The following CDH22 variants were observed in gnomAD, a reference collection of about 807,000 sequenced individuals.
The protein encoded by CDH22 is cadherin-22.
In CDH22, 30 loss-of-function variants were observed where a neutral mutation model predicts 58.4. The observed-to-expected ratio is 0.51, with a 90% CI of 0.38 to 0.70. The LOEUF (loss-of-function observed/expected upper bound fraction) is 0.70, where lower values mean the gene tolerates loss of function less well. Ranked by LOEUF, CDH22 falls within the 30% of genes least tolerant of loss-of-function variation. The pLI is 0.00. For synonymous variants in CDH22, 513 were observed against 558.2 expected, an observed-to-expected ratio of 0.92 and a Z score of 1.14; for missense variants, 1,014 against 1,233.9, an observed-to-expected ratio of 0.82 and a Z score of 2.67.
chr20:46,242,125 G>T lies in CDH22; in HGVS notation c.256-868C>A, dbSNP rs534843081. On this transcript the variant is annotated intron_variant, in intron 2 of 11. Transcript: ENST00000537909. Reference sequence around the variant, plus strand: ...GAGCACCTTCCATGTGCCAGGCACTGGCTAAGCAATTTATGTACTTTTCTA... The same window carrying T: ...GAGCACCTTCCATGTGCCAGGCACTTGCTAAGCAATTTATGTACTTTTCTA... 3.3e-5 allele frequency among the ~76,000 whole-genome samples: 5 copies of T among 152,320 alleles called. No individual in the cohort carries two copies. The South Asian group carries it at 1.0e-3, about 32-fold the overall frequency.
intron 8 of CDH22, among the ~76,000 whole-genome samples, chr20:46,191,697 C>T (rs147296227): frequency 0.012 from 1,810 of 152,292 alleles, 22 homozygotes; most frequent in Non-Finnish European, 0.015. Context: ...GGACTCGAAC[C>T]TGGGTCTGGT....
intron 3 of CDH22, among the ~76,000 whole-genome samples, chr20:46,232,951 G>A (rs2086229701): frequency 6.6e-6 from 1 of 152,244 alleles, no homozygotes; most frequent in Admixed American, 6.5e-5. Flanking sequence ...AGCACAGAGA[G>A]AGGGGTCAAG....
rs1294808838 is a variant in CDH22 at position 46,181,617 on chromosome 20, C to T, written c.1664-3420G>A. Among the ~76,000 whole-genome samples, 5 of 144,408 alleles carry T rather than the reference C, an allele frequency of 3.5e-5. No individual in the cohort carries two copies. The South Asian group carries it at 1.2e-3, about 34-fold the overall frequency. The allele number at this position is 144,408 out of a possible 152,430, so 94.7% of individuals were successfully genotyped here. ...TTCCTTCCCTTCCTTCCTTCCCTCC[C>T]TCCCTCCCTCCCTTCCTTCCTTCTT... On this transcript the variant is annotated intron_variant, in intron 10 of 11. Transcript: ENST00000537909.
intron 7 of CDH22, among the ~76,000 whole-genome samples, chr20:46,206,204 A>C (rs2086001038): frequency 6.6e-6 from 1 of 152,204 alleles, no homozygotes; most frequent in Non-Finnish European, 1.5e-5. Flanking sequence ...AGTAAGAAGC[A>C]GGAGTGAAAT....
intron 2 of CDH22, among the ~76,000 whole-genome samples, chr20:46,249,455 C>T (rs778383374): frequency 2.6e-5 from 4 of 152,320 alleles, no homozygotes; most frequent in South Asian, 2.1e-4. Context: ...ATCATTCATT[C>T]ATTCATTCAT....
intron 1 of CDH22, among the ~76,000 whole-genome samples, chr20:46,278,383 G>T (rs939363596): frequency 1.3e-5 from 2 of 152,252 alleles, no homozygotes; most frequent in Middle Eastern, 6.8e-3. Context: ...TCTCCTTAAA[G>T]GTTGTTTCAG....
intron 1 of CDH22, among the ~76,000 whole-genome samples, chr20:46,298,055 A>C (rs1169801599): frequency 6.6e-6 from 1 of 152,132 alleles, no homozygotes; most frequent in African/African-American, 2.4e-5. Flanking sequence ...ACCTCTATAG[A>C]TGATATCCCC....
chr20:46,197,295 GATATAT>G (rs34730995), intron 8 of CDH22, among the ~76,000 whole-genome samples: 11 of 142,012 alleles, frequency 7.7e-5, no homozygotes, highest in Middle Eastern at 3.9e-3. Context: ...TCTAGGCCAG[GATATAT>G]ATATATATAT....
In CDH22 at chr20:46,235,889, G is replaced by C. The variant is rs137874607; in HGVS notation, c.550+5074C>G. On this transcript the variant is annotated intron_variant, in intron 3 of 11. Coordinates refer to ENST00000537909, the MANE Select transcript of CDH22 (RefSeq NM_021248.3). ...AACAAGTCGTTCTTTTAAAATATAAGCTGGATTAGATTAAACCTCTGCTCT... is the reference window on the plus strand; with the variant it reads ...AACAAGTCGTTCTTTTAAAATATAACCTGGATTAGATTAAACCTCTGCTCT... Among the ~76,000 whole-genome samples the C allele has an allele frequency of 3.6e-3, 546 of 152,256 alleles. 1 individual carries two copies. The highest frequency in any genetic ancestry group is 4.7e-3 in the Non-Finnish European group (321 of 68,016).
chr20:46,200,837 A>T (rs1313103275), intron 7 of CDH22, among the ~76,000 whole-genome samples: 2 of 152,080 alleles, frequency 1.3e-5, no homozygotes, highest in Non-Finnish European at 2.9e-5. Context: ...AGAGGGGGGC[A>T]GTTGTGGCAT....
rs372438672 is a variant in CDH22 at position 46,216,300 on chromosome 20, C to A, written c.838+526G>T. ...CTCCTAATTCAGAAGCACAGAGTCG[C>A]GCTACCCAGGCTCAGAGGAGGAGGG... On this transcript the variant is annotated intron_variant, in intron 5 of 11. Transcript: ENST00000537909. This position sits in a 1 kb window ranked among gnomAD's most constrained non-coding sequence, Gnocchi z 5.3. Among the ~76,000 whole-genome samples, 10 of 152,314 alleles carry A rather than the reference C, an allele frequency of 6.6e-5. No homozygotes were observed. Among genetic ancestry groups the A allele is most frequent in the African/African-American group, 2.2e-4 (9 of 41,570 alleles).
intron 8 of CDH22, among the ~76,000 whole-genome samples, chr20:46,188,499 C>A (rs954607765): frequency 3.9e-5 from 6 of 152,098 alleles, no homozygotes; most frequent in Non-Finnish European, 8.8e-5. Context: ...TGCAAAAATT[C>A]AAAAAATTGC....
intron 3 of CDH22, 84 bp downstream of exon 3, chr20:46,240,879 G>T: frequency 7.9e-7 from 1 of 1,263,148 alleles, no homozygotes. Flanking sequence ...TCCCTCCCCA[G>T]AGGATCAGCT....
At chr20:46,272,352 T>C (rs2086495564) in intron 1 of CDH22, among the ~76,000 whole-genome samples, 1 of 152,194 alleles carries the variant, frequency 6.6e-6, no homozygotes, top group African/African-American at 2.4e-5. Flanking sequence ...CATGTTGAGA[T>C]GTGTCACAGA....
intron 1 of CDH22, among the ~76,000 whole-genome samples, chr20:46,290,735 C>A (rs2086597688): frequency 6.6e-6 from 1 of 151,914 alleles, no homozygotes; most frequent in South Asian, 2.1e-4. Flanking sequence ...AGGGCCAGCC[C>A]AATGTGTCAG....
intron 7 of CDH22, 37 bp from the exon 8 acceptor site, chr20:46,199,596 C>T: frequency 6.2e-7 from 1 of 1,604,652 alleles, no homozygotes; most frequent in South Asian, 1.1e-5. Context: ...GAAGGTGCCC[C>T]AGTGCCAAAT....
intron 1 of CDH22, among the ~76,000 whole-genome samples, chr20:46,263,110 C>T (rs1330776966): frequency 6.6e-6 from 1 of 152,218 alleles, no homozygotes; most frequent in African/African-American, 2.4e-5. Flanking sequence ...GCTGTGGGTG[C>T]TTCATTCTTG....
chr20:46,247,815 G>T (rs1038252226), intron 2 of CDH22, among the ~76,000 whole-genome samples: 5 of 152,196 alleles, frequency 3.3e-5, no homozygotes, highest in African/African-American at 1.2e-4. Flanking sequence ...GCTAAGAGAT[G>T]GAAACTTCTT....
At chr20:46,227,476 G>T in intron 4 of CDH22, 32 bp downstream of exon 4, 3 of 479,398 alleles carry the variant, frequency 6.3e-6, no homozygotes, top group Non-Finnish European at 1.1e-5. Flanking sequence ...CCCGCCCCAC[G>T]GCTCCGCCTC....
Sources: gnomAD v4.1 joint callset for allele counts (sites outside exome capture counted in the v4.1 genomes callset) on GRCh38, gnomAD v4.1.1 for gene constraint, Gnocchi (gnomAD v3.1) non-coding constraint, MANE v1.5 for transcripts, NCBI Gene and HGNC (gene_info 2026-07-23, HGNC 2026-07-21) for gene names.